ZFPM2: variants seen among roughly 807,000 people sequenced by gnomAD.
ZFPM2 encodes zinc finger protein ZFPM2.
Under a neutral mutation model 98.6 loss-of-function variants are expected in ZFPM2, and 20 were observed. The observed-to-expected ratio is 0.20, with a 90% CI of 0.14 to 0.29. ZFPM2 has a LOEUF of 0.29. ZFPM2 is among the 10% of genes least tolerant of loss of function. ZFPM2 has a pLI of 1.00. For synonymous variants in ZFPM2, 518 were observed against 502.7 expected (o/e 1.03, Z -0.41); for missense variants, 1,310 against 1,388.6 (o/e 0.94, Z 0.90).
At chr8:105,339,089 G>A (rs1244751770) in intron 1 of ZFPM2, among the ~76,000 whole-genome samples, 2 of 151,688 alleles carry the variant, frequency 1.3e-5, no homozygotes, top group Admixed American at 1.3e-4. Flanking sequence ...AAAAATCTAT[G>A]TTTTCAAAGC....
chr8:105,651,723 A>C (rs1817182276), intron 5 of ZFPM2, among the ~76,000 whole-genome samples: 1 of 152,006 alleles, frequency 6.6e-6, no homozygotes, highest in African/African-American at 2.4e-5. Flanking sequence ...CACCTCTGTA[A>C]CTCCACAGCC....
rs889892070 is a variant in ZFPM2, at chr8:105,372,302, A to G, written c.41-46842A>G. On this transcript the variant is annotated intron_variant, in intron 1 of 7. Coordinates refer to ENST00000407775, the MANE Select transcript of ZFPM2 (RefSeq NM_012082.4). ...CGTGATCCACCTGCCTCGGCCTCCC[A>G]AAGTGCTGGGATTACAGGCGTGAGC... 1.8e-4 allele frequency among the ~76,000 whole-genome samples: 28 copies of G among 152,116 alleles called. 1 individual carries two copies. Among genetic ancestry groups the G allele is most frequent in the African/African-American group, 6.7e-4 (28 of 41,520 alleles).
intron 4 of ZFPM2, among the ~76,000 whole-genome samples, chr8:105,581,033 A>T (rs1156761388): frequency 6.6e-6 from 1 of 152,006 alleles, no homozygotes; most frequent in Non-Finnish European, 1.5e-5. Flanking sequence ...AATTATTTGA[A>T]CTATTTTTCA....
intron 5 of ZFPM2, among the ~76,000 whole-genome samples, chr8:105,691,441 G>T (rs1384396746): frequency 2.3e-5 from 3 of 128,750 alleles, no homozygotes; most frequent in Non-Finnish European, 5.0e-5. Flanking sequence ...GTAGAGACGG[G>T]GTTTCACCTT....
intron 2 of ZFPM2, among the ~76,000 whole-genome samples, chr8:105,441,587 G>T (rs931665138): frequency 6.6e-6 from 1 of 151,986 alleles, no homozygotes; most frequent in Non-Finnish European, 1.5e-5. Context: ...GGAAGAGAGC[G>T]GATTGGGGCC....
At position 105,512,165 on chromosome 8, in the gene ZFPM2, A is replaced by C. The variant is rs554222748; in HGVS notation, c.302-49198A>C. Among the ~76,000 whole-genome samples the C allele has an allele frequency of 9.2e-5, 14 of 152,302 alleles. No individual in the cohort carries two copies. The East Asian group carries it at 2.7e-3, about 29-fold the overall frequency. On this transcript the variant is annotated intron_variant, in intron 3 of 7. Transcript: ENST00000407775. ...GTCTCAAGAAAAGAAGGCACAACAA[A>C]TGTATATTCTTGAAATGAGCTGAAG...
chr8:105,318,866 G>GGCGGAGGGAGCGGCGGGA lies in ZFPM2; in HGVS notation c.-72_-71insAGGGAGCGGCGGGAGCGG, dbSNP rs1554593932. The GGCGGAGGGAGCGGCGGGA allele has an allele frequency of 1.3e-6, 1 of 779,612 alleles. No individual in the cohort carries two copies. The highest frequency in any genetic ancestry group is 1.6e-6 in the Non-Finnish European group (1 of 639,406). The allele number at this position is 779,612 out of a possible 1,614,324, so 48.3% of individuals were successfully genotyped here. A position where few individuals can be genotyped will look rare whatever the true frequency, so the allele number is the denominator to read the frequency against. The stretch of plus-strand genomic sequence containing the variant: ...GGCCAGCGGCGGCGGCGGCGGCGGC[G>GGCGGAGGGAGCGGCGGGA]GCGGCGGGAGCCGAGGGAGCGGCAG... On this transcript the variant is annotated 5_prime_UTR_variant, in exon 1 of 8. Transcript: ENST00000407775.
intron 5 of ZFPM2, chr8:105,662,787 A>G (rs1817416736): frequency 6.6e-6 from 1 of 151,742 alleles, no homozygotes; most frequent in Non-Finnish European, 1.5e-5. Context: ...GAATCCTTGT[A>G]TTTGACCACT....
intron 1 of ZFPM2, among the ~76,000 whole-genome samples, chr8:105,342,562 A>C (rs1339037691): frequency 6.6e-6 from 1 of 152,016 alleles, no homozygotes; most frequent in Non-Finnish European, 1.5e-5. Flanking sequence ...TATCTAAAGA[A>C]AAGAAAATAA....
At chr8:105,329,283 A>G (rs1441234515) in intron 1 of ZFPM2, among the ~76,000 whole-genome samples, 1 of 151,806 alleles carries the variant, frequency 6.6e-6, no homozygotes, top group African/African-American at 2.4e-5. Context: ...GTGTAGTGTC[A>G]AGTAATGTCG....
intron 5 of ZFPM2, among the ~76,000 whole-genome samples, chr8:105,680,561 G>A (rs1268519102): frequency 6.6e-6 from 1 of 152,112 alleles, no homozygotes; most frequent in Admixed American, 6.6e-5. Context: ...TATCTTCCAT[G>A]AGACAAGTAG....
rs549372657 is a variant in ZFPM2 at position 105,712,624 on chromosome 8, G to A, written c.533-76094G>A. Among the ~76,000 whole-genome samples, 79 of 151,998 alleles carry A rather than the reference G, an allele frequency of 5.2e-4. 2 individuals are homozygous for A. In the Middle Eastern group the frequency reaches 0.014, roughly 26 times the overall value. On this transcript the variant is annotated intron_variant, in intron 5 of 7. Transcript: ENST00000407775. ...TAGGTTTATTTTAAGGTTATATTGC[G>A]TGATGCTGAGGTTTGGGCTTCTACT...
At chr8:105,703,056 TGCCCCCC>T (rs1407359950) in intron 5 of ZFPM2, among the ~76,000 whole-genome samples, 1 of 152,198 alleles carries the variant, frequency 6.6e-6, no homozygotes, top group Non-Finnish European at 1.5e-5. Context: ...ACTCCTTTCC[TGCCCCCC>T]GCCCCGCGCC....
chr8:105,750,105 A>G (rs1444778357), intron 5 of ZFPM2, among the ~76,000 whole-genome samples: 1 of 152,056 alleles, frequency 6.6e-6, no homozygotes, highest in Non-Finnish European at 1.5e-5. Flanking sequence ...ATGAGACTTT[A>G]TATGTTACTT....
intron 4 of ZFPM2, among the ~76,000 whole-genome samples, chr8:105,570,880 C>T (rs1815339783): frequency 6.6e-6 from 1 of 152,092 alleles, no homozygotes; most frequent in African/African-American, 2.4e-5. Context: ...TTAGTTAGGC[C>T]AAGTTTGAAC....
chr8:105,633,735 C>CA (rs1317766489), intron 4 of ZFPM2, among the ~76,000 whole-genome samples: 2 of 152,114 alleles, frequency 1.3e-5, no homozygotes, highest in African/African-American at 4.8e-5. Context: ...TACATATCCA[C>CA]ACTTAGGGGG....
At chr8:105,655,261 C>T (rs13282300) in intron 5 of ZFPM2, among the ~76,000 whole-genome samples, 3,701 of 103,414 alleles carry the variant, frequency 0.036, 57 homozygotes, top group South Asian at 0.064. Context: ...GACAGAGTTT[C>T]GCTCATGGTA....
chr8:105,326,771 A>G (rs1812122969), intron 1 of ZFPM2, among the ~76,000 whole-genome samples: 1 of 151,314 alleles, frequency 6.6e-6, no homozygotes, highest in Non-Finnish European at 1.5e-5. Context: ...AAACTGTTGA[A>G]TGGTGTTAGT....
At chr8:105,754,012 G>A (rs992761846) in intron 5 of ZFPM2, among the ~76,000 whole-genome samples, 13 of 152,024 alleles carry the variant, frequency 8.6e-5, no homozygotes, top group Non-Finnish European at 7.4e-5. Context: ...GGAAGTATTC[G>A]CTGCTTAATA....
Sources: gnomAD v4.1 joint callset for allele counts (sites outside exome capture counted in the v4.1 genomes callset) on GRCh38, gnomAD v4.1.1 for gene constraint, MANE v1.5 for transcripts, NCBI Gene and HGNC (gene_info 2026-07-23, HGNC 2026-07-21) for gene names.